The following SPAG16 variants were observed in gnomAD, a reference collection of about 807,000 sequenced individuals.
SPAG16 encodes sperm-associated antigen 16 protein.
SPAG16 carries 86 observed loss-of-function variants against 80.4 expected under a neutral mutation model. That is an observed-to-expected ratio of 1.07 (90% CI 0.90 to 1.28). The LOEUF is 1.28. Ranked by LOEUF, SPAG16 falls within the 50% of genes most tolerant of loss-of-function variation. SPAG16 has a pLI of 0.00. For missense variants in SPAG16, 870 were observed against 765.3 expected (o/e 1.14, Z -1.61); for synonymous variants, 294 against 265.9 (o/e 1.11, Z -1.03).
chr2:213,920,214 A>G (rs2078151065), intron 11 of SPAG16, among the ~76,000 whole-genome samples: 1 of 152,124 alleles, frequency 6.6e-6, no homozygotes, highest in African/African-American at 2.4e-5. Flanking sequence ...ACAGCATACC[A>G]ATGAATCTTG....
intron 14 of SPAG16, among the ~76,000 whole-genome samples, chr2:214,138,250 A>G (rs914152533): frequency 5.3e-5 from 8 of 152,262 alleles, no homozygotes; most frequent in African/African-American, 1.9e-4. Context: ...TGGCTAGGGT[A>G]GTAAGTTCTA....
At chr2:213,761,878 TAAAAACAAAAAAA>T (rs1559447167) in intron 10 of SPAG16, among the ~76,000 whole-genome samples, 1 of 111,520 alleles carries the variant, frequency 9.0e-6, no homozygotes, top group South Asian at 3.0e-4. Flanking sequence ...AAAACAAAAA[TAAAAACAAAAAAA>T]CAAAACAAAA....
chr2:213,499,373 G>T (rs1358103473), intron 10 of SPAG16, among the ~76,000 whole-genome samples: 1 of 152,148 alleles, frequency 6.6e-6, no homozygotes, highest in Admixed American at 6.5e-5. Flanking sequence ...TTGTGTCTGT[G>T]TCTCCCAACA....
At position 214,259,455 on chromosome 2, in the gene SPAG16, G is replaced by A. The variant is rs543733420; in HGVS notation, c.1720+110189G>A. 1.1e-4 allele frequency among the ~76,000 whole-genome samples: 16 copies of A among 144,900 alleles called. No individual in the cohort carries two copies. In the East Asian group the frequency reaches 2.2e-3, roughly 20 times the overall value. On this transcript the variant is annotated intron_variant, in intron 15 of 15. Transcript: ENST00000331683. ...TATATACACATATAGAAATAAATGC[G>A]TACACACACACGTATAGCTTTTTTT...
Position 213,773,069 on chromosome 2 carries a change from CTT to C in SPAG16, c.1071-89414_1071-89413del, listed in dbSNP as rs1008038400. On this transcript the variant is annotated intron_variant, in intron 10 of 15. Coordinates refer to ENST00000331683, the MANE Select transcript of SPAG16 (RefSeq NM_024532.5). ...ATATTAATCACAATTATTTTAAAGT[CTT>C]TGATAATTTTGATATATGCATCATA... Among the ~76,000 whole-genome samples the C allele has an allele frequency of 1.7e-4, 25 of 150,910 alleles. No homozygotes were observed. In the South Asian group the frequency reaches 4.2e-3, roughly 25 times the overall value.
At chr2:214,137,728 T>A (rs2055136114) in intron 14 of SPAG16, among the ~76,000 whole-genome samples, 1 of 152,132 alleles carries the variant, frequency 6.6e-6, no homozygotes, top group Non-Finnish European at 1.5e-5. Context: ...ACTTTATCTC[T>A]TTAAGCATTA....
At chr2:213,837,896 A>G (rs2074170095) in intron 10 of SPAG16, among the ~76,000 whole-genome samples, 1 of 152,212 alleles carries the variant, frequency 6.6e-6, no homozygotes, top group Non-Finnish European at 1.5e-5. Context: ...ATGCTATGCC[A>G]CTGGCTTTGA....
rs867444926 is a variant in SPAG16 at position 213,545,780 on chromosome 2, C to T, written c.1070+55690C>T. 2.9e-4 allele frequency among the ~76,000 whole-genome samples: 44 copies of T among 152,140 alleles called. No homozygotes were observed. In the Middle Eastern group the frequency reaches 0.01, roughly 35 times the overall value. On this transcript the variant is annotated intron_variant, in intron 10 of 15. Coordinates refer to ENST00000331683, the MANE Select transcript of SPAG16 (RefSeq NM_024532.5). ...TTATGTCTAAGAATGAAACACTTTA[C>T]GCTTGGGAGGGGTTTGTGTGATGTG... is the stretch of plus-strand genomic sequence containing the variant.
At chr2:213,993,608 C>T (rs1405341605) in intron 12 of SPAG16, among the ~76,000 whole-genome samples, 1 of 152,082 alleles carries the variant, frequency 6.6e-6, no homozygotes, top group Non-Finnish European at 1.5e-5. Flanking sequence ...CCATAAATAT[C>T]CATATAGCTT....
intron 5 of SPAG16, among the ~76,000 whole-genome samples, chr2:213,323,908 A>G (rs1371698951): frequency 4.6e-5 from 7 of 152,178 alleles, no homozygotes; most frequent in Non-Finnish European, 7.4e-5. Context: ...TTCCCCATAT[A>G]TGAGGTATTT....
chr2:213,294,395 A>G (rs922647285), intron 1 of SPAG16, among the ~76,000 whole-genome samples: 2 of 152,222 alleles, frequency 1.3e-5, no homozygotes, highest in Non-Finnish European at 2.9e-5. Flanking sequence ...TTAGAGAGTG[A>G]GGCAAATACT....
intron 10 of SPAG16, among the ~76,000 whole-genome samples, chr2:213,763,507 T>G (rs1442269481): frequency 1.3e-5 from 2 of 152,170 alleles, no homozygotes; most frequent in Non-Finnish European, 2.9e-5. Context: ...ACTTGAATAG[T>G]GGTTTTCAGA....
intron 15 of SPAG16, among the ~76,000 whole-genome samples, chr2:214,389,453 CAAGCATGAAAGCAGAT>C (rs371960216): frequency 1.6e-3 from 241 of 152,280 alleles, no homozygotes; most frequent in African/African-American, 5.5e-3. Flanking sequence ...GCCTCAGCTC[CAAGCATGAAAGCAGAT>C]ACCTTTCTCT....
intron 15 of SPAG16, among the ~76,000 whole-genome samples, chr2:214,214,422 G>A (rs1214766627): frequency 2.6e-5 from 4 of 151,930 alleles, no homozygotes; most frequent in African/African-American, 9.7e-5. Context: ...TGCCTCCCTT[G>A]GCCTCCCAAT....
intron 3 of SPAG16, among the ~76,000 whole-genome samples, chr2:213,300,938 T>C (rs1216820806): frequency 1.3e-5 from 2 of 152,122 alleles, no homozygotes; most frequent in Non-Finnish European, 2.9e-5. Context: ...CTTGCTATTA[T>C]GTTAATATAC....
At chr2:213,545,948 C>T (rs2076597483) in intron 10 of SPAG16, among the ~76,000 whole-genome samples, 1 of 152,086 alleles carries the variant, frequency 6.6e-6, no homozygotes, top group South Asian at 2.1e-4. Context: ...AGCTGATTAG[C>T]AGAGGACTTG....
chr2:213,987,881 T>C (rs2046091755), intron 12 of SPAG16, among the ~76,000 whole-genome samples: 2 of 147,098 alleles, frequency 1.4e-5, no homozygotes, highest in African/African-American at 5.0e-5. Flanking sequence ...ATAGTGTAAA[T>C]ATAAACATAT....
chr2:213,456,867 C>T (rs1200256707), intron 9 of SPAG16, among the ~76,000 whole-genome samples: 1 of 151,964 alleles, frequency 6.6e-6, no homozygotes, highest in African/African-American at 2.4e-5. Flanking sequence ...AATATTTTTT[C>T]TTCTGCTTAT....
intron 9 of SPAG16, among the ~76,000 whole-genome samples, chr2:213,430,451 A>G (rs1169522108): frequency 6.6e-6 from 1 of 152,132 alleles, no homozygotes; most frequent in Non-Finnish European, 1.5e-5. Context: ...TTCTGAAAAC[A>G]TTATGAGATT....
Sources: allele counts gnomAD v4.1 joint callset (sites outside exome capture counted in the v4.1 genomes callset), GRCh38; gene constraint gnomAD v4.1.1; transcripts MANE v1.5; gene names NCBI Gene and HGNC (gene_info 2026-07-23, HGNC 2026-07-21).